The following ATRNL1 variants were observed in gnomAD, a reference collection of about 807,000 sequenced individuals.
ATRNL1 encodes attractin like 1.
ATRNL1 carries 95 observed loss-of-function variants against 182.7 expected under a neutral mutation model. The observed-to-expected ratio is 0.52, with a 90% CI of 0.44 to 0.62. The LOEUF (loss-of-function observed/expected upper bound fraction) is 0.62, where lower values mean the gene tolerates loss of function less well. Among genes scored for constraint, ATRNL1 ranks in the 20% least tolerant of loss-of-function variants. The pLI, the probability that ATRNL1 is intolerant of heterozygous loss-of-function variation, is 0.00. For synonymous variants in ATRNL1, 576 were observed against 568.3 expected, an observed-to-expected ratio of 1.01 and a Z score of -0.19; for missense variants, 1,471 against 1,679.5, an observed-to-expected ratio of 0.88 and a Z score of 2.17.
chr10:115,833,663 A>C (rs1555094487), intron 27 of ATRNL1, among the ~76,000 whole-genome samples: 1 of 152,200 alleles, frequency 6.6e-6, no homozygotes, highest in Non-Finnish European at 1.5e-5. Flanking sequence ...CCAGTGAAGT[A>C]CATATTATAA....
chr10:115,559,928 G>A (rs1270793382), intron 26 of ATRNL1, among the ~76,000 whole-genome samples: 1 of 152,094 alleles, frequency 6.6e-6, no homozygotes, highest in Non-Finnish European at 1.5e-5. Context: ...CATCTAGATT[G>A]GGAAGAAAGA....
At chr10:115,698,930 A>G (rs1017819869) in intron 26 of ATRNL1, among the ~76,000 whole-genome samples, 1 of 152,192 alleles carries the variant, frequency 6.6e-6, no homozygotes, top group African/African-American at 2.4e-5. Context: ...AGATAAACTA[A>G]ATACACTAAA....
chr10:115,429,760 ACTGCAGTTTT>A (rs1846061846), intron 21 of ATRNL1, among the ~76,000 whole-genome samples: 1 of 152,028 alleles, frequency 6.6e-6, no homozygotes, highest in Non-Finnish European at 1.5e-5. Context: ...ATGACCTATG[ACTGCAGTTTT>A]TAAAAATTAT....
intron 19 of ATRNL1, among the ~76,000 whole-genome samples, chr10:115,353,923 T>TAA (rs1554942146): frequency 6.6e-6 from 1 of 152,188 alleles, no homozygotes; most frequent in Non-Finnish European, 1.5e-5. Context: ...TCTCTATATC[T>TAA]TTTCATATTG....
intron 5 of ATRNL1, among the ~76,000 whole-genome samples, chr10:115,138,312 G>A (rs1845608520): frequency 6.6e-6 from 1 of 152,224 alleles, no homozygotes; most frequent in African/African-American, 2.4e-5. Flanking sequence ...TCTTCTCACA[G>A]CTCCACTAGG....
chr10:115,700,137 T>A (rs1555051059), intron 26 of ATRNL1, among the ~76,000 whole-genome samples: 1 of 152,216 alleles, frequency 6.6e-6, no homozygotes, highest in Admixed American at 6.6e-5. Flanking sequence ...TGAATTGTAC[T>A]GGAATAAAAA....
In ATRNL1 at chr10:115,201,768, A is replaced by G. The variant is rs1428807279; in HGVS notation, c.1349-13929A>G. Among the ~76,000 whole-genome samples the G allele has an allele frequency of 1.6e-4, 25 of 152,284 alleles. 1 individual carries two copies. In the East Asian group the frequency reaches 4.8e-3, roughly 29 times the overall value. On this transcript the variant is annotated intron_variant, in intron 8 of 28. Coordinates refer to ENST00000355044, the MANE Select transcript of ATRNL1 (RefSeq NM_207303.4). ...AGTAGTTTTTTCCAATTCTGTGAAGAAAGTCATTGGTAGCTTGATGGGGAT... is the reference window on the plus strand; with the variant it reads ...AGTAGTTTTTTCCAATTCTGTGAAGGAAGTCATTGGTAGCTTGATGGGGAT...
At chr10:115,691,303 G>GTATT (rs1196642859) in intron 26 of ATRNL1, among the ~76,000 whole-genome samples, 1 of 152,000 alleles carries the variant, frequency 6.6e-6, no homozygotes, top group Non-Finnish European at 1.5e-5. Flanking sequence ...TTGCTTTTTG[G>GTATT]GTAATAAGCA....
chr10:115,942,441 G>C (rs1257161036), intron 28 of ATRNL1, among the ~76,000 whole-genome samples: 1 of 152,164 alleles, frequency 6.6e-6, no homozygotes, highest in Non-Finnish European at 1.5e-5. Flanking sequence ...TGGCCCATTT[G>C]CCACTTTTTA....
intron 19 of ATRNL1, among the ~76,000 whole-genome samples, chr10:115,370,653 A>C (rs1272960680): frequency 6.6e-6 from 1 of 152,244 alleles, no homozygotes; most frequent in Non-Finnish European, 1.5e-5. Flanking sequence ...TCAAGAAGTG[A>C]CTTGGGTGCT....
chr10:115,500,841 C>A (rs1207506362), intron 24 of ATRNL1, among the ~76,000 whole-genome samples: 1 of 148,270 alleles, frequency 6.7e-6, no homozygotes, highest in Non-Finnish European at 1.5e-5. Context: ...ACGCCTGGCC[C>A]AAATAATTAT....
At chr10:115,394,012 A>T (rs1844165593) in intron 19 of ATRNL1, among the ~76,000 whole-genome samples, 1 of 152,102 alleles carries the variant, frequency 6.6e-6, no homozygotes, top group Non-Finnish European at 1.5e-5. Flanking sequence ...GGATGATCTC[A>T]GAAACTTAAA....
At chr10:115,737,377 A>C (rs1555066259) in intron 27 of ATRNL1, among the ~76,000 whole-genome samples, 1 of 151,348 alleles carries the variant, frequency 6.6e-6, no homozygotes, top group Non-Finnish European at 1.5e-5. Flanking sequence ...TCGAGGCTGC[A>C]GTGAGCCATG....
intron 25 of ATRNL1, among the ~76,000 whole-genome samples, chr10:115,521,413 A>G (rs1362179600): frequency 1.7e-4 from 26 of 152,228 alleles, no homozygotes; most frequent in African/African-American, 5.5e-4. Flanking sequence ...TCGGCCTCCC[A>G]AAGTGCTGGG....
chr10:115,130,363 C>T lies in ATRNL1; in HGVS notation c.829+828C>T, dbSNP rs1446241811. ...TGTAATAAATAGTAGCAATAGTTCC[C>T]AAGTTAAAAACCAAAGAGAACATAC... On this transcript the variant is annotated intron_variant, in intron 5 of 28. Coordinates refer to ENST00000355044, the MANE Select transcript of ATRNL1 (RefSeq NM_207303.4). 2.9e-4 allele frequency among the ~76,000 whole-genome samples: 44 copies of T among 151,934 alleles called. 1 individual carries two copies. The highest frequency in any genetic ancestry group is 2.9e-3 in the Admixed American group (44 of 15,244).
chr10:115,576,074 C>CT (rs1555005099), intron 26 of ATRNL1, among the ~76,000 whole-genome samples: 1 of 151,956 alleles, frequency 6.6e-6, no homozygotes, highest in Non-Finnish European at 1.5e-5. Flanking sequence ...GCCAGTATCT[C>CT]TTTTTTTAAG....
intron 20 of ATRNL1, among the ~76,000 whole-genome samples, chr10:115,420,626 G>A (rs190943843): frequency 1.3e-5 from 2 of 152,132 alleles, no homozygotes; most frequent in East Asian, 1.9e-4. Flanking sequence ...CAAATAAACA[G>A]CCTAATGTTG....
chr10:115,417,362 G>C (rs1248243461), intron 20 of ATRNL1, among the ~76,000 whole-genome samples: 1 of 152,160 alleles, frequency 6.6e-6, no homozygotes, highest in Non-Finnish European at 1.5e-5. Flanking sequence ...ACCCCAGAGG[G>C]AGACTTGCCC....
intron 9 of ATRNL1, among the ~76,000 whole-genome samples, chr10:115,237,719 T>A (rs1422443943): frequency 2.0e-5 from 3 of 152,200 alleles, no homozygotes; most frequent in Admixed American, 1.3e-4. Context: ...GAGAGGTTTT[T>A]AATTTTAATA....
Sources: gnomAD v4.1 joint callset for allele counts (sites outside exome capture counted in the v4.1 genomes callset) on GRCh38, gnomAD v4.1.1 for gene constraint, MANE v1.5 for transcripts, NCBI Gene and HGNC (gene_info 2026-07-23, HGNC 2026-07-21) for gene names.